ADAMTS17: variants seen among roughly 807,000 people sequenced by gnomAD.
ADAMTS17 encodes the protein A disintegrin and metalloproteinase with thrombospondin motifs 17.
A neutral mutation model predicts 141.5 loss-of-function variants in ADAMTS17; 113 were observed. The ratio of observed to expected loss-of-function variants is 0.80; its 90% CI spans 0.69 to 0.93. The LOEUF (loss-of-function observed/expected upper bound fraction) is 0.93, where lower values mean the gene tolerates loss of function less well. ADAMTS17 is among the 40% of genes least tolerant of loss of function. The pLI, the probability that ADAMTS17 is intolerant of heterozygous loss-of-function variation, is 0.00. For missense variants in ADAMTS17, 1,659 were observed against 1,517.9 expected (o/e 1.09, Z -1.54); for synonymous variants, 768 against 630.6 (o/e 1.22, Z -3.27).
intron 3 of ADAMTS17, among the ~76,000 whole-genome samples, chr15:100,307,399 G>T (rs1454650337): frequency 6.6e-6 from 1 of 152,160 alleles, no homozygotes; most frequent in Non-Finnish European, 1.5e-5. Flanking sequence ...ACCTGCCTGA[G>T]ACTTAAGTAA....
intron 3 of ADAMTS17, among the ~76,000 whole-genome samples, chr15:100,301,155 A>T (rs2045018202): frequency 6.6e-6 from 1 of 152,172 alleles, no homozygotes; most frequent in Non-Finnish European, 1.5e-5. Flanking sequence ...AGTTGTGTTT[A>T]ATGCTTAAAT....
At chr15:100,148,812 T>A (rs779132467) in intron 10 of ADAMTS17, among the ~76,000 whole-genome samples, 1 of 150,574 alleles carries the variant, frequency 6.6e-6, no homozygotes, top group Non-Finnish European at 1.5e-5. Flanking sequence ...TAGGCCTCAT[T>A]GAGAAGCTTA....
At chr15:100,294,765 G>C (rs1443425245) in intron 3 of ADAMTS17, among the ~76,000 whole-genome samples, 2 of 152,216 alleles carry the variant, frequency 1.3e-5, no homozygotes, top group African/African-American at 4.8e-5. Flanking sequence ...CAACATTCCA[G>C]GGGGAGTGGA....
At chr15:100,006,985 G>A (rs1448511625) in intron 18 of ADAMTS17, among the ~76,000 whole-genome samples, 1 of 152,198 alleles carries the variant, frequency 6.6e-6, no homozygotes, top group East Asian at 1.9e-4. Context: ...TCCCAGATAC[G>A]TGAGTGTCAA....
At chr15:100,164,701 G>A (rs916592797) in intron 8 of ADAMTS17, among the ~76,000 whole-genome samples, 9 of 152,152 alleles carry the variant, frequency 5.9e-5, no homozygotes, top group Non-Finnish European at 1.2e-4. Context: ...GGCGGGGAAA[G>A]GAAAAGTTCC....
At chr15:100,057,037 C>A (rs917073335) in intron 15 of ADAMTS17, among the ~76,000 whole-genome samples, 3 of 152,058 alleles carry the variant, frequency 2.0e-5, no homozygotes, top group African/African-American at 7.2e-5. Context: ...CAGTGTGTGG[C>A]TCAGTGGTGT....
chr15:100,010,393 T>C (rs1337853154), intron 18 of ADAMTS17, among the ~76,000 whole-genome samples: 3 of 152,156 alleles, frequency 2.0e-5, no homozygotes, highest in African/African-American at 7.2e-5. Flanking sequence ...GGCATGCACA[T>C]CCCTTCCTTC....
chr15:100,294,188 T>C (rs967643256), intron 3 of ADAMTS17, among the ~76,000 whole-genome samples: 1 of 152,206 alleles, frequency 6.6e-6, no homozygotes, highest in African/African-American at 2.4e-5. Context: ...ACTGTCATTA[T>C]TGCTGTTAAT....
rs116716571 is a variant in ADAMTS17 at position 99,984,094 on chromosome 15, C to G, written c.2950-7872G>C. On this transcript the variant is annotated intron_variant, in intron 20 of 21. Coordinates refer to ENST00000268070, the MANE Select transcript of ADAMTS17 (RefSeq NM_139057.4). ...CGCCCCCTGCGACGCCTGCTTTCTT[C>G]CCGGCAGTCTCAGCTTCAGGGGTCC... 4.1e-3 allele frequency among the ~76,000 whole-genome samples: 620 copies of G among 152,336 alleles called. 2 individuals carry two copies. Among genetic ancestry groups the G allele is most frequent in the African/African-American group, 0.012 (501 of 41,576 alleles).
chr15:100,214,212 A>T (rs990330590), intron 7 of ADAMTS17, among the ~76,000 whole-genome samples: 3 of 152,186 alleles, frequency 2.0e-5, no homozygotes, highest in Non-Finnish European at 2.9e-5. Flanking sequence ...GACAGGGAAG[A>T]TAGGAACTTA....
intron 3 of ADAMTS17, among the ~76,000 whole-genome samples, chr15:100,291,012 T>C (rs999371020): frequency 3.9e-5 from 6 of 152,180 alleles, no homozygotes; most frequent in Admixed American, 3.3e-4. Context: ...TGGGGCCTAA[T>C]TAAACCAAAG....
In ADAMTS17 at chr15:100,204,028, G is replaced by C. The variant is rs77139196; in HGVS notation, c.1076-4605C>G. On this transcript the variant is annotated intron_variant, in intron 7 of 21. Coordinates refer to ENST00000268070, the MANE Select transcript of ADAMTS17 (RefSeq NM_139057.4). ...TCCCATCCATGCCAGCACAACACAG[G>C]TGCTCATTTGTCTTCTTTCCTTTCC... is the stretch of plus-strand genomic sequence containing the variant. 4.9e-3 allele frequency among the ~76,000 whole-genome samples: 752 copies of C among 152,286 alleles called. 6 individuals carry two copies. The highest frequency in any genetic ancestry group is 0.017 in the African/African-American group (719 of 41,560).
intron 12 of ADAMTS17, among the ~76,000 whole-genome samples, chr15:100,127,150 C>A (rs969053422): frequency 1.3e-5 from 2 of 152,118 alleles, no homozygotes; most frequent in Non-Finnish European, 2.9e-5. Flanking sequence ...GGGGGCTGAA[C>A]GGTGGGTCCC....
intron 8 of ADAMTS17, among the ~76,000 whole-genome samples, chr15:100,169,621 G>A (rs1041550720): frequency 1.3e-5 from 2 of 152,194 alleles, no homozygotes; most frequent in Admixed American, 6.5e-5. Flanking sequence ...AGTCACTGAG[G>A]ATGCAATTGC....
At chr15:100,000,576 C>A (rs1467956615) in intron 18 of ADAMTS17, among the ~76,000 whole-genome samples, 1 of 152,198 alleles carries the variant, frequency 6.6e-6, no homozygotes, top group Non-Finnish European at 1.5e-5. Context: ...CGCAATGGCA[C>A]GATCTCGGCT....
chr15:100,025,861 G>C (rs1596256452), intron 18 of ADAMTS17, among the ~76,000 whole-genome samples: 1 of 151,718 alleles, frequency 6.6e-6, no homozygotes, highest in African/African-American at 2.4e-5. Flanking sequence ...TTTCTTTACT[G>C]TTTATTTATT....
At chr15:100,129,920 G>A (rs921287445) in intron 12 of ADAMTS17, among the ~76,000 whole-genome samples, 1 of 152,204 alleles carries the variant, frequency 6.6e-6, no homozygotes, top group African/African-American at 2.4e-5. Context: ...CCAATGCCAT[G>A]ACTCCAAACC....
At chr15:100,133,354 C>T in intron 10 of ADAMTS17, 39 bp from the exon 11 acceptor site, 4 of 1,538,094 alleles carry the variant, frequency 2.6e-6, no homozygotes, top group Non-Finnish European at 3.5e-6. Flanking sequence ...GTGGAGAACA[C>T]CCACACTCAC....
chr15:100,146,297 C>T (rs866042143), intron 10 of ADAMTS17, among the ~76,000 whole-genome samples: 14 of 152,308 alleles, frequency 9.2e-5, no homozygotes, highest in African/African-American at 2.6e-4. Flanking sequence ...GGCAGAAGAA[C>T]GTGGATTGTG....
Sources: allele counts gnomAD v4.1 joint callset (sites outside exome capture counted in the v4.1 genomes callset), GRCh38; gene constraint gnomAD v4.1.1; transcripts MANE v1.5; gene names NCBI Gene and HGNC (gene_info 2026-07-23, HGNC 2026-07-21).